The following PRKG2 variants were observed in gnomAD, a reference collection of about 807,000 sequenced individuals.
PRKG2 encodes cGMP-dependent protein kinase 2.
PRKG2 carries 33 observed loss-of-function variants against 97.2 expected under a neutral mutation model. The observed-to-expected ratio is 0.34, with a 90% CI of 0.26 to 0.45. PRKG2 has a LOEUF of 0.45. PRKG2 is among the 20% of genes least tolerant of loss of function. PRKG2 has a pLI of 1.00. For synonymous variants in PRKG2, 330 were observed against 321.8 expected (o/e 1.03, Z -0.27); for missense variants, 638 against 900.0 (o/e 0.71, Z 3.73).
Position 81,110,496 on chromosome 4 carries a change from A to G in PRKG2, c.1892T>C (p.Val631Ala), listed in dbSNP as rs145797166. The G allele has an allele frequency of 4.6e-5, 74 of 1,611,288 alleles. No homozygotes were observed. The highest frequency in any genetic ancestry group is 6.2e-5 in the Non-Finnish European group (73 of 1,179,870). Residue 631 changes from valine to alanine, a missense_variant, in exon 15 of 19, where the codon GTG becomes GCG. Val to Ala is a moderately conservative substitution (Grantham distance 64). Transcript: ENST00000264399. ...TAGAATTCCCAGTGACCAGAAATCC[A>G]CACTGAAGTCATGTCCCTTGTTGAG... ...VILNKGHDFS[V>A]DFWSLGILVY...
intron 12 of PRKG2, among the ~76,000 whole-genome samples, chr4:81,139,330 C>A (rs1310095438): frequency 2.6e-5 from 4 of 152,066 alleles, no homozygotes; most frequent in South Asian, 2.1e-4. Context: ...TCCTTGCTTC[C>A]CTAGTCCCCA....
chr4:81,164,073 G>A (rs76904890), intron 6 of PRKG2, among the ~76,000 whole-genome samples: 16,595 of 152,176 alleles, frequency 0.11, 1,108 homozygotes, highest in Middle Eastern at 0.21. Context: ...TCAGCCATTC[G>A]GGCATGTAGC....
At chr4:81,115,244 C>T (rs114059805) in intron 14 of PRKG2, among the ~76,000 whole-genome samples, 155 of 152,194 alleles carry the variant, frequency 1.0e-3, no homozygotes, top group African/African-American at 3.3e-3. Context: ...GAGTTCTGAC[C>T]GCTCTACATC....
intron 17 of PRKG2, among the ~76,000 whole-genome samples, chr4:81,094,294 G>A (rs1420227980): frequency 6.6e-6 from 1 of 151,936 alleles, no homozygotes; most frequent in Non-Finnish European, 1.5e-5. Context: ...AGAATGGACA[G>A]ATACATACAA....
intron 14 of PRKG2, among the ~76,000 whole-genome samples, chr4:81,118,725 CCAGT>C (rs1279862010): frequency 1.3e-5 from 2 of 151,978 alleles, no homozygotes; most frequent in African/African-American, 4.8e-5. Flanking sequence ...ATATTTTCTC[CCAGT>C]CAGTGGCTTG....
intron 8 of PRKG2, among the ~76,000 whole-genome samples, chr4:81,150,711 A>G (rs1354000392): frequency 1.3e-5 from 2 of 152,138 alleles, no homozygotes; most frequent in Non-Finnish European, 2.9e-5. Flanking sequence ...CTGCATTTAT[A>G]AAGTGCTGTG....
chr4:81,112,053 C>G (rs1197242109), intron 14 of PRKG2, among the ~76,000 whole-genome samples: 2 of 152,102 alleles, frequency 1.3e-5, no homozygotes, highest in East Asian at 1.9e-4. Flanking sequence ...AATCCAGCCC[C>G]TATTTATTTA....
Position 81,151,951 on chromosome 4 carries a change from T to C in PRKG2, c.1085+9A>G, listed in dbSNP as rs766408792. 1.8e-5 allele frequency: 29 copies of C among 1,586,008 alleles called. No individual in the cohort carries two copies. The highest frequency in any genetic ancestry group is 2.4e-5 in the Non-Finnish European group (28 of 1,157,462). Reference sequence around the variant, plus strand: ...TATCCAAAGTATGGCATATAATTCATGAATTCACCTGATAAGAGCTTTTTC... The same window carrying C: ...TATCCAAAGTATGGCATATAATTCACGAATTCACCTGATAAGAGCTTTTTC... On this transcript the variant is annotated intron_variant, in intron 8 of 18. Coordinates refer to ENST00000264399, the MANE Select transcript of PRKG2 (RefSeq NM_006259.3).
At position 81,107,502 on chromosome 4, in the gene PRKG2, G is replaced by A. The variant is rs551589354; in HGVS notation, c.1941-1567C>T. ...AAATTCTAGAAGCCAAGTGAAGAGAGTATTTATTTATTTATTTATCTATTT... is the reference window on the plus strand; with the variant it reads ...AAATTCTAGAAGCCAAGTGAAGAGAATATTTATTTATTTATTTATCTATTT... On this transcript the variant is annotated intron_variant, in intron 15 of 18. Transcript: ENST00000264399. Among the ~76,000 whole-genome samples the A allele has an allele frequency of 6.6e-5, 10 of 152,056 alleles. No homozygotes were observed. In the South Asian group the frequency reaches 2.1e-3, roughly 32 times the overall value.
At position 81,088,882 on chromosome 4, in the gene PRKG2, C is replaced by A. The variant is rs540558084; in HGVS notation, c.*826G>T. ...CTTTCTATTTACTGGGAGGCAAAAG[C>A]CTTCGCAATTTTGTTCCAGCACGTT... On this transcript the variant is annotated 3_prime_UTR_variant, in exon 19 of 19. Transcript: ENST00000264399. 1 of 152,262 alleles carries A rather than the reference C, an allele frequency of 6.6e-6. No individual in the cohort carries two copies. The highest frequency in any genetic ancestry group is 2.4e-5 in the African/African-American group (1 of 41,564). The allele number at this position is 152,262 out of a possible 1,614,324, so 9.4% of individuals were successfully genotyped here. A position where few individuals can be genotyped will look rare whatever the true frequency, so the allele number is the denominator to read the frequency against.
In PRKG2 at chr4:81,159,659, C is replaced by T. The variant is rs527612559; in HGVS notation, c.913-5938G>A. Among the ~76,000 whole-genome samples, 40 of 152,052 alleles carry T rather than the reference C, an allele frequency of 2.6e-4. No homozygotes were observed. The East Asian group carries it at 6.0e-3, about 23-fold the overall frequency. Reference sequence around the variant, plus strand: ...ATGCTGCTATAAAGACACATGCACACGTATGTTTATTGTGGCACTATTCAC... The same window carrying T: ...ATGCTGCTATAAAGACACATGCACATGTATGTTTATTGTGGCACTATTCAC... On this transcript the variant is annotated intron_variant, in intron 6 of 18. Coordinates refer to ENST00000264399, the MANE Select transcript of PRKG2 (RefSeq NM_006259.3).
At chr4:81,189,907 A>G (rs1479479850) in intron 2 of PRKG2, among the ~76,000 whole-genome samples, 1 of 152,176 alleles carries the variant, frequency 6.6e-6, no homozygotes. Flanking sequence ...ACTACAAACC[A>G]CTCTGCAAGG....
intron 18 of PRKG2, among the ~76,000 whole-genome samples, chr4:81,090,609 A>T (rs1741442200): frequency 6.6e-6 from 1 of 152,160 alleles, no homozygotes; most frequent in Non-Finnish European, 1.5e-5. Context: ...ATGATTTCTA[A>T]CTCTGCTTTC....
chr4:81,196,886 GA>G (rs1752990980), intron 2 of PRKG2, among the ~76,000 whole-genome samples: 1 of 152,100 alleles, frequency 6.6e-6, no homozygotes, highest in African/African-American at 2.4e-5. Context: ...AGACTTTAAT[GA>G]AAAGAAACAC....
chr4:81,180,283 A>AT (rs1432941433), intron 2 of PRKG2, among the ~76,000 whole-genome samples: 2 of 152,282 alleles, frequency 1.3e-5, no homozygotes, highest in Middle Eastern at 3.4e-3. Context: ...AAGCCCAAAT[A>AT]TTTTTTATTT....
At chr4:81,125,841 G>A (rs913720082) in intron 14 of PRKG2, among the ~76,000 whole-genome samples, 3 of 152,002 alleles carry the variant, frequency 2.0e-5, no homozygotes, top group African/African-American at 7.3e-5. Flanking sequence ...CTACTGACGT[G>A]ACTTACTGAC....
At chr4:81,172,324 T>C (rs569059822) in intron 3 of PRKG2, among the ~76,000 whole-genome samples, 3 of 152,190 alleles carry the variant, frequency 2.0e-5, no homozygotes, top group African/African-American at 7.2e-5. Flanking sequence ...TTGTTCACAA[T>C]GATGGAATGA....
chr4:81,090,574 G>T (rs1042191927), intron 18 of PRKG2, among the ~76,000 whole-genome samples: 1 of 151,984 alleles, frequency 6.6e-6, no homozygotes, highest in Admixed American at 6.6e-5. Context: ...AAATTATGCT[G>T]GTATTAAATT....
upstream of PRKG2, among the ~76,000 whole-genome samples, chr4:81,216,891 T>TTGTGTGTGTGTGTGTG (rs68179456): frequency 7.6e-6 from 1 of 131,496 alleles, no homozygotes; most frequent in Non-Finnish European, 1.6e-5. Context: ...TAGTATTCCA[T>TTGTGTGTGTGTGTGTG]TGTGTGTGTG....
Sources: allele counts gnomAD v4.1 joint callset (sites outside exome capture counted in the v4.1 genomes callset), GRCh38; gene constraint gnomAD v4.1.1; transcripts MANE v1.5; gene names NCBI Gene and HGNC (gene_info 2026-07-23, HGNC 2026-07-21).